The following PLXNA4 variants were observed in gnomAD, a reference collection of about 807,000 sequenced individuals.
The protein encoded by PLXNA4 is plexin-A4.
A neutral mutation model predicts 191.8 loss-of-function variants in PLXNA4; 44 were observed. That is an observed-to-expected ratio of 0.23 (90% CI 0.18 to 0.29). The LOEUF is 0.29. Ranked by LOEUF, PLXNA4 falls within the 10% of genes least tolerant of loss-of-function variation. The pLI is 1.00. For synonymous variants in PLXNA4, 1,082 were observed against 1,009.5 expected (o/e 1.07, Z -1.36); for missense variants, 1,800 against 2,488.8 (o/e 0.72, Z 5.89).
chr7:132,226,404 C>G (rs1798324852), intron 7 of PLXNA4, 144 bp from the exon 8 acceptor site: 1 of 630,350 alleles, frequency 1.6e-6, no homozygotes, highest in Non-Finnish European at 2.8e-6. Flanking sequence ...AGACCCAGTC[C>G]CAGGACAACC....
At chr7:132,482,053 G>T (rs566136136) in intron 3 of PLXNA4, among the ~76,000 whole-genome samples, 2 of 152,162 alleles carry the variant, frequency 1.3e-5, no homozygotes, top group East Asian at 3.9e-4. Flanking sequence ...CTTGAAGTTT[G>T]AAAGTATGGG....
At chr7:132,236,870 T>C (rs1231112257) in intron 5 of PLXNA4, among the ~76,000 whole-genome samples, 1 of 152,166 alleles carries the variant, frequency 6.6e-6, no homozygotes, top group Non-Finnish European at 1.5e-5. Flanking sequence ...GCCTTCTCCT[T>C]TCTCTCCTGC....
rs147629514 is a variant in PLXNA4, at chr7:132,623,216, C to T, written c.-87+22712G>A. Reference sequence around the variant, plus strand: ...CAAAAATTAGCCGGGCGTGGCAGCACGTGCCTGTAATCCCAGGTACTCGGG... The same window carrying T: ...CAAAAATTAGCCGGGCGTGGCAGCATGTGCCTGTAATCCCAGGTACTCGGG... On this transcript the variant is annotated intron_variant, in intron 2 of 4. Transcript: ENST00000378539. Among the ~76,000 whole-genome samples the T allele has an allele frequency of 9.9e-5, 15 of 152,024 alleles. No individual in the cohort carries two copies. The East Asian group carries it at 2.9e-3, about 30-fold the overall frequency.
chr7:132,455,139 C>T (rs897923069), intron 3 of PLXNA4, among the ~76,000 whole-genome samples: 3 of 152,210 alleles, frequency 2.0e-5, no homozygotes, highest in African/African-American at 7.2e-5. Context: ...GCTGTTTGCA[C>T]TCACACACAC....
chr7:132,210,411 C>T (rs756651742), intron 10 of PLXNA4, among the ~76,000 whole-genome samples: 3 of 152,092 alleles, frequency 2.0e-5, no homozygotes, highest in East Asian at 1.9e-4. Flanking sequence ...GCAGGGTTTG[C>T]GCTGATCTAA....
Position 132,241,056 on chromosome 7 carries a change from T to G in PLXNA4, c.1604+10A>C, listed in dbSNP as rs1233824353. 1.9e-6 allele frequency: 3 copies of G among 1,585,108 alleles called. No homozygotes were observed. The Admixed American group carries it at 5.1e-5, about 27-fold the overall frequency. On this transcript the variant is annotated intron_variant, in intron 5 of 31. Transcript: ENST00000321063. ...TGGGAGGCACGAGGCAGCCTCCCCA[T>G]GGTACTCACGTGTTGTGCAGCACAC... is the stretch of plus-strand genomic sequence containing the variant.
At chr7:132,386,996 C>T (rs918361662) in intron 3 of PLXNA4, among the ~76,000 whole-genome samples, 1 of 152,200 alleles carries the variant, frequency 6.6e-6, no homozygotes, top group African/African-American at 2.4e-5. Flanking sequence ...CTTGAAGCTG[C>T]AAAATACAAA....
At position 132,365,360 on chromosome 7, in the gene PLXNA4, T is replaced by TGTGTGTGTGTGCGCGC; in HGVS notation, c.1372-67139_1372-67138insGCGCGCACACACACAC. 8.4e-3 allele frequency among the ~76,000 whole-genome samples: 1,083 copies of TGTGTGTGTGTGCGCGC among 128,716 alleles called. 16 individuals are homozygous for TGTGTGTGTGTGCGCGC. The highest frequency in any genetic ancestry group is 0.029 in the African/African-American group (979 of 33,728). The allele number at this position is 128,716 out of a possible 152,430, so 84.4% of individuals were successfully genotyped here. On this transcript the variant is annotated intron_variant, in intron 3 of 31. Transcript: ENST00000321063. Reference sequence around the variant, plus strand: ...GTGTGTGTGTGTGTGTGTGTGTGTGTGCGTGCGCGCGCATGCATGGGGCAA... The same window carrying TGTGTGTGTGTGCGCGC: ...GTGTGTGTGTGTGTGTGTGTGTGTGTGTGTGTGTGTGCGCGCGCGTGCGCGCGCATGCATGGGGCAA...
At chr7:132,271,568 C>A (rs1800073844) in intron 4 of PLXNA4, among the ~76,000 whole-genome samples, 1 of 152,054 alleles carries the variant, frequency 6.6e-6, no homozygotes, top group South Asian at 2.1e-4. Context: ...TATAGAAGTC[C>A]ATTTCTGCAC....
chr7:132,606,515 G>GT (rs1222032242), intron 2 of PLXNA4, among the ~76,000 whole-genome samples: 18 of 152,246 alleles, frequency 1.2e-4, no homozygotes, highest in Non-Finnish European at 1.5e-4. Flanking sequence ...GCTGTATGCA[G>GT]TTTTCTGCAT....
At chr7:132,393,750 G>GT (rs1793623000) in intron 3 of PLXNA4, among the ~76,000 whole-genome samples, 1 of 152,164 alleles carries the variant, frequency 6.6e-6, no homozygotes, top group African/African-American at 2.4e-5. Flanking sequence ...CTGATTCCAT[G>GT]TAAGAGAGAA....
At chr7:132,482,235 G>T (rs558134158) in intron 3 of PLXNA4, among the ~76,000 whole-genome samples, 2 of 152,288 alleles carry the variant, frequency 1.3e-5, no homozygotes, top group African/African-American at 2.4e-5. Context: ...AGGGGATGGG[G>T]TGTCACTTCT....
rs1176451814 is a variant in PLXNA4, at chr7:132,337,574, A to G, written c.1372-39352T>C. 2.6e-5 allele frequency among the ~76,000 whole-genome samples: 4 copies of G among 152,220 alleles called. No homozygotes were observed. In the East Asian group the frequency reaches 5.8e-4, roughly 22 times the overall value. On this transcript the variant is annotated intron_variant, in intron 3 of 31. Coordinates refer to ENST00000321063, the MANE Select transcript of PLXNA4 (RefSeq NM_020911.2). ...GTCAACTACACCCTAGTTGCAGCAC[A>G]TTAAGCCCATTTCTAAGAAACAACG...
At chr7:132,469,067 G>A (rs1283789921) in intron 3 of PLXNA4, among the ~76,000 whole-genome samples, 7 of 130,376 alleles carry the variant, frequency 5.4e-5, no homozygotes, top group African/African-American at 2.1e-4. Flanking sequence ...AACCCCTACA[G>A]AGCTGGGTAT....
chr7:132,358,371 CAGTCTTTT>C (rs1247744279), intron 3 of PLXNA4, among the ~76,000 whole-genome samples: 4 of 147,568 alleles, frequency 2.7e-5, no homozygotes, highest in African/African-American at 1.1e-4. Context: ...AATATACCCA[CAGTCTTTT>C]GGGGGAGAGC....
intron 3 of PLXNA4, among the ~76,000 whole-genome samples, chr7:132,358,168 G>T (rs950243761): frequency 6.6e-6 from 1 of 152,228 alleles, no homozygotes; most frequent in Admixed American, 6.5e-5. Context: ...GAAGGGAATT[G>T]AGACGTTTAT....
At chr7:132,504,538 T>A (rs207468617) in intron 2 of PLXNA4, among the ~76,000 whole-genome samples, 1 of 152,182 alleles carries the variant, frequency 6.6e-6, no homozygotes, top group Non-Finnish European at 1.5e-5. Context: ...GGAGCACAGT[T>A]GACATTCATT....
At chr7:132,597,143 C>T (rs1217880436) in intron 2 of PLXNA4, among the ~76,000 whole-genome samples, 1 of 152,184 alleles carries the variant, frequency 6.6e-6, no homozygotes, top group Non-Finnish European at 1.5e-5. Context: ...GTGCCTTCCT[C>T]AATTCCCTCT....
chr7:132,310,332 T>C (rs538548739), intron 3 of PLXNA4, among the ~76,000 whole-genome samples: 29 of 152,330 alleles, frequency 1.9e-4, no homozygotes. Flanking sequence ...AATGTGAAGA[T>C]GAAGAGGAGA....
Sources: gnomAD v4.1 joint callset for allele counts (sites outside exome capture counted in the v4.1 genomes callset) on GRCh38, gnomAD v4.1.1 for gene constraint, MANE v1.5 for transcripts, NCBI Gene and HGNC (gene_info 2026-07-23, HGNC 2026-07-21) for gene names.